GTF2I: variants seen among roughly 807,000 people sequenced by gnomAD.
GTF2I encodes the protein general transcription factor II-I.
GTF2I carries 12 observed loss-of-function variants against 67.6 expected under a neutral mutation model. That is an observed-to-expected ratio of 0.18 (90% CI 0.11 to 0.29). The LOEUF is 0.29. GTF2I is among the 10% of genes least tolerant of loss of function. The probability of loss-of-function intolerance (pLI) is 1.00; values close to 1 mark genes in which losing one functional copy is unlikely to be tolerated. For missense variants in GTF2I, 271 were observed against 580.1 expected, an observed-to-expected ratio of 0.47 and a Z score of 5.47; for synonymous variants, 149 against 197.0, an observed-to-expected ratio of 0.76 and a Z score of 2.04.
intron 9 of GTF2I, among the ~76,000 whole-genome samples, chr7:74,713,111 T>C (rs1232830074): frequency 1.3e-5 from 2 of 152,170 alleles, no homozygotes; most frequent in Non-Finnish European, 2.9e-5. Context: ...AAAATTCAAA[T>C]ATGGGACATT....
chr7:74,704,057 C>G (rs948111650), intron 6 of GTF2I, among the ~76,000 whole-genome samples: 6 of 152,198 alleles, frequency 3.9e-5, no homozygotes, highest in Middle Eastern at 3.4e-3. Flanking sequence ...ATTTCTTCTT[C>G]TTGTTGCTCT....
intron 1 of GTF2I, among the ~76,000 whole-genome samples, chr7:74,659,187 T>C (rs1804242854): frequency 6.6e-6 from 1 of 152,038 alleles, no homozygotes; most frequent in Admixed American, 6.6e-5. Context: ...CCCCCCATAG[T>C]GCTGGGATTA....
At chr7:74,694,756 T>G (rs1249460952) in intron 3 of GTF2I, among the ~76,000 whole-genome samples, 12 of 152,204 alleles carry the variant, frequency 7.9e-5, no homozygotes, top group African/African-American at 2.7e-4. Context: ...AGCCTTATAT[T>G]GGAAGATACT....
intron 1 of GTF2I, among the ~76,000 whole-genome samples, chr7:74,664,040 G>GT (rs1419978839): frequency 1.6e-4 from 24 of 152,052 alleles, no homozygotes; most frequent in African/African-American, 5.6e-4. Flanking sequence ...TGTTGGCCAG[G>GT]TTGGTCTCAA....
At chr7:74,712,677 G>T in intron 9 of GTF2I, among the ~76,000 whole-genome samples, 1 of 149,732 alleles carries the variant, frequency 6.7e-6, no homozygotes, top group Non-Finnish European at 1.5e-5. Context: ...TTTGGCGTGG[G>T]GGTGGGGATG....
At chr7:74,671,764 T>A (rs1304396040) in intron 1 of GTF2I, among the ~76,000 whole-genome samples, 4 of 152,152 alleles carry the variant, frequency 2.6e-5, no homozygotes, top group Admixed American at 1.3e-4. Flanking sequence ...GGAGGACTGC[T>A]TGAGCACGGG....
intron 12 of GTF2I, chr7:74,727,867 C>G (rs1554406025): frequency 6.6e-6 from 1 of 152,274 alleles, no homozygotes; most frequent in African/African-American, 2.4e-5. Flanking sequence ...ACTCTCACAA[C>G]AGCGTGTGTG....
rs2301906 is a variant in GTF2I at position 74,688,904 on chromosome 7, C to T, written c.-5-220C>T. On this transcript the variant is annotated intron_variant, in intron 1 of 34. Coordinates refer to ENST00000573035, the MANE Select transcript of GTF2I (RefSeq NM_032999.4). Reference sequence around the variant, plus strand: ...GGATTTATTTGGGGTGTGATATTGACCCAATTTTCTGGAAATAACAATATA... The same window carrying T: ...GGATTTATTTGGGGTGTGATATTGATCCAATTTTCTGGAAATAACAATATA... The T allele has an allele frequency of 2.8e-5, 13 of 469,988 alleles. No homozygotes were observed. The East Asian group carries it at 4.0e-4, about 14-fold the overall frequency. 29.1% of individuals were successfully genotyped at this position (469,988 alleles called of 1,614,324 possible).
At chr7:74,720,741 A>AT (rs35442354) in intron 12 of GTF2I, among the ~76,000 whole-genome samples, 106,919 of 132,340 alleles carry the variant, frequency 0.81, 43,474 homozygotes, top group East Asian at 0.94. Flanking sequence ...TAGAAGCTGT[A>AT]TTTTTTTTTT....
chr7:74,693,247 T>C (rs1310337946), intron 3 of GTF2I, among the ~76,000 whole-genome samples: 1 of 151,100 alleles, frequency 6.6e-6, no homozygotes, highest in African/African-American at 2.4e-5. Context: ...TCATGATTAT[T>C]GTATCCGCTG....
chr7:74,661,328 A>C (rs1475292002), intron 1 of GTF2I, among the ~76,000 whole-genome samples: 2 of 152,162 alleles, frequency 1.3e-5, no homozygotes, highest in Non-Finnish European at 2.9e-5. Flanking sequence ...AACCATTCAC[A>C]ATGGTGCAAA....
intron 1 of GTF2I, among the ~76,000 whole-genome samples, chr7:74,685,422 G>C (rs1050410028): frequency 6.6e-6 from 1 of 152,058 alleles, no homozygotes; most frequent in South Asian, 2.1e-4. Context: ...GCTTGAACCC[G>C]GGAGGCAGAG....
At chr7:74,674,851 A>AAT (rs1485357731) in intron 1 of GTF2I, among the ~76,000 whole-genome samples, 10 of 148,286 alleles carry the variant, frequency 6.7e-5, no homozygotes, top group Non-Finnish European at 8.9e-5. Context: ...CCAGCCCTCT[A>AAT]ATATATATAT....
rs181009514 is a variant in GTF2I, at chr7:74,701,630, G to A, written c.586+996G>A. Among the ~76,000 whole-genome samples the A allele has an allele frequency of 2.5e-3, 373 of 152,128 alleles. 1 individual carries two copies. The highest frequency in any genetic ancestry group is 8.4e-3 in the African/African-American group (349 of 41,508). On this transcript the variant is annotated intron_variant, in intron 6 of 34. Transcript: ENST00000573035. ...TTACAGGCACATGCTGCCACGCCCG[G>A]CTAATTTTTTGTATTTTTAGTAGAG...
chr7:74,705,537 A>C (rs1790525277), intron 7 of GTF2I, among the ~76,000 whole-genome samples: 1 of 147,438 alleles, frequency 6.8e-6, no homozygotes, highest in African/African-American at 2.5e-5. Flanking sequence ...TAAAGTACTA[A>C]GTTCAGTTGG....
chr7:74,674,783 G>T (rs1363417803), intron 1 of GTF2I, among the ~76,000 whole-genome samples: 2 of 151,700 alleles, frequency 1.3e-5, no homozygotes, highest in African/African-American at 4.8e-5. Context: ...CCAACCTCAG[G>T]TGATCCGCCC....
chr7:74,703,179 TA>T (rs1246244007), intron 6 of GTF2I, among the ~76,000 whole-genome samples: 13 of 151,868 alleles, frequency 8.6e-5, no homozygotes, highest in South Asian at 4.2e-4. Flanking sequence ...GATGATTTGT[TA>T]AAAAAAAATT....
chr7:74,660,688 C>G (rs1804406802), intron 1 of GTF2I, among the ~76,000 whole-genome samples: 1 of 139,678 alleles, frequency 7.2e-6, no homozygotes, highest in Admixed American at 8.0e-5. Flanking sequence ...GTGGCGCGAT[C>G]TCGGCTCACT....
intron 2 of GTF2I, 32 bp from the exon 3 acceptor site, chr7:74,690,941 C>CTGTA (rs782118632): frequency 6.3e-7 from 1 of 1,594,156 alleles, no homozygotes; most frequent in Admixed American, 1.8e-5. Flanking sequence ...AAACGTCCGC[C>CTGTA]TGTAACATGA....
Sources: gnomAD v4.1 joint callset for allele counts (sites outside exome capture counted in the v4.1 genomes callset) on GRCh38, gnomAD v4.1.1 for gene constraint, MANE v1.5 for transcripts, NCBI Gene and HGNC (gene_info 2026-07-23, HGNC 2026-07-21) for gene names.